Variants in PCDH19 observed in about 807,000 individuals in gnomAD.
PCDH19 encodes the protein protocadherin-19.
PCDH19 carries 6 observed loss-of-function variants against 46.2 expected under a neutral mutation model. The ratio of observed to expected loss-of-function variants is 0.13; its 90% CI spans 0.07 to 0.26. The LOEUF (loss-of-function observed/expected upper bound fraction) is 0.26. Among genes scored for constraint, PCDH19 ranks in the 10% least tolerant of loss-of-function variants. The probability of loss-of-function intolerance (pLI) is 1.00; values close to 1 mark genes in which losing one functional copy is unlikely to be tolerated. For synonymous variants in PCDH19, 481 were observed against 415.7 expected (o/e 1.16, Z -1.91); for missense variants, 740 against 972.3 (o/e 0.76, Z 3.18).
At chrX:100,313,966 C>T (rs190444996) in intron 5 of PCDH19, among the ~76,000 whole-genome samples, 13 of 110,336 alleles carry the variant, frequency 1.2e-4, no homozygotes, top group African/African-American at 4.3e-4. Context: ...TTATAGGACA[C>T]TAATAAACAA....
chrX:100,392,786 C>T (rs1927898534), intron 3 of PCDH19, among the ~76,000 whole-genome samples: 1 of 111,564 alleles, frequency 9.0e-6, no homozygotes, highest in Non-Finnish European at 1.9e-5. Context: ...AGAGCCCTGC[C>T]TCCCTCAAGC....
Position 100,408,788 on chromosome X carries a change from G to A in PCDH19, c.-191C>T, listed in dbSNP as rs1221800005. 5.6e-6 allele frequency: 1 copy of A among 177,638 alleles called. No individual in the cohort carries two copies. 14.6% of individuals were successfully genotyped at this position (177,638 alleles called of 1,213,427 possible). On this transcript the variant is annotated 5_prime_UTR_variant, in exon 1 of 6. Coordinates refer to ENST00000373034, the MANE Select transcript of PCDH19 (RefSeq NM_001184880.2). ...CACCCGCGGCGGCTCCAATGCTGAG[G>A]TTGCGGCGGACGCGGCGGGGGCTCG...
chrX:100,313,996 T>C (rs1219388579), intron 5 of PCDH19, among the ~76,000 whole-genome samples: 2 of 111,342 alleles, frequency 1.8e-5, no homozygotes, highest in Non-Finnish European at 3.8e-5. Flanking sequence ...CGAATGGTTT[T>C]ATTCTCCTGG....
At chrX:100,348,061 G>A (rs775476181) in intron 4 of PCDH19, among the ~76,000 whole-genome samples, 69 of 58,459 alleles carry the variant, frequency 1.2e-3, no homozygotes, top group African/African-American at 4.2e-3. Flanking sequence ...GCAAGATTCC[G>A]TCTCAAAAAA....
chrX:100,322,865 A>ATATTTTTTTT, intron 5 of PCDH19, among the ~76,000 whole-genome samples: 2,400 of 53,952 alleles, frequency 0.044, 131 homozygotes, highest in Non-Finnish European at 0.062. Context: ...ATATATATAT[A>ATATTTTTTTT]TTTTTGCAGC....
chrX:100,333,179 GAGAGAGAAAGAA>G (rs1925954219), intron 5 of PCDH19, among the ~76,000 whole-genome samples: 1 of 46,965 alleles, frequency 2.1e-5, no homozygotes, highest in East Asian at 8.2e-4. Context: ...GGAAGGGAGA[GAGAGAGAAAGAA>G]AGAAAGAAAG....
At chrX:100,368,692 C>G (rs764390978) in intron 3 of PCDH19, among the ~76,000 whole-genome samples, 1 of 4,183 alleles carries the variant, frequency 2.4e-4, no homozygotes, top group African/African-American at 2.5e-4. Context: ...AAGAAGGTCA[C>G]AAGAAGAAAC....
At chrX:100,381,842 T>C (rs1281133623) in intron 3 of PCDH19, among the ~76,000 whole-genome samples, 1 of 111,917 alleles carries the variant, frequency 8.9e-6, no homozygotes, top group Non-Finnish European at 1.9e-5. Context: ...TCGTCCAAAA[T>C]AGCTGCAGCA....
chrX:100,408,636 C>T lies in PCDH19; in HGVS notation c.-39G>A. ...TCTGCCTGGCCTCGCCTCTCCACACCCCTCCGAGACCGACGCCGTCGGCGC... is the reference window on the plus strand; with the variant it reads ...TCTGCCTGGCCTCGCCTCTCCACACTCCTCCGAGACCGACGCCGTCGGCGC... On this transcript the variant is annotated 5_prime_UTR_variant, in exon 1 of 6. Transcript: ENST00000373034. The T allele has an allele frequency of 3.8e-6, 4 of 1,046,959 alleles. No individual in the cohort carries two copies. The highest frequency in any genetic ancestry group is 3.9e-6 in the Non-Finnish European group (3 of 775,110). The allele number at this position is 1,046,959 out of a possible 1,213,427, so 86.3% of individuals were successfully genotyped here. A position where few individuals can be genotyped will look rare whatever the true frequency, so the allele number is the denominator to read the frequency against.
At chrX:100,331,563 A>C (rs1187051142) in intron 5 of PCDH19, among the ~76,000 whole-genome samples, 1 of 111,439 alleles carries the variant, frequency 9.0e-6, no homozygotes, top group African/African-American at 3.3e-5. Flanking sequence ...TAGCTCTGTG[A>C]CCCCACCCAA....
chrX:100,339,062 T>C (rs894603000), intron 5 of PCDH19, among the ~76,000 whole-genome samples: 3 of 111,471 alleles, frequency 2.7e-5, no homozygotes, highest in African/African-American at 9.8e-5. Flanking sequence ...AAAACAAAGG[T>C]GTAAGGTACG....
Position 100,296,652 on chromosome X carries a change from G to C in PCDH19, c.3072C>G (p.Asp1024Glu). ...GGGTAGGCCTCTCCTCAGCCGGGTG[G>C]TCGCTGACATCTTTCCCAAAGGTTG... ...TFATFGKDVSDHPAEERPTLK... is the reference protein window; with the variant it reads ...TFATFGKDVSEHPAEERPTLK... The change falls in exon 6 of 6, where the codon GAC becomes GAG. Residue 1024 changes from aspartate (D) to glutamate (E), a missense_variant. Around this residue, in one of 5 missense-constraint regions of PCDH19, gnomAD observed 416 missense variants for 476.8 expected, o/e 0.87. Transcript: ENST00000373034. The C allele has an allele frequency of 8.3e-7, 1 of 1,211,236 alleles. No homozygotes were observed. Among genetic ancestry groups the C allele is most frequent in the Non-Finnish European group, 1.1e-6 (1 of 895,352 alleles).
intron 4 of PCDH19, among the ~76,000 whole-genome samples, chrX:100,345,084 CT>C (rs964314663): frequency 1.8e-5 from 2 of 110,562 alleles, no homozygotes; most frequent in Non-Finnish European, 3.8e-5. Flanking sequence ...GTTTCTTTAT[CT>C]GTAAAATGTG....
At chrX:100,388,607 T>C (rs754248338) in intron 3 of PCDH19, among the ~76,000 whole-genome samples, 18 of 111,388 alleles carry the variant, frequency 1.6e-4, no homozygotes, top group Admixed American at 1.3e-3. Flanking sequence ...ATTCCAGAAG[T>C]AGAAATATTA....
intron 2 of PCDH19, 79 bp downstream of exon 2, chrX:100,403,445 T>A: frequency 9.4e-7 from 1 of 1,060,858 alleles, no homozygotes; most frequent in Non-Finnish European, 1.3e-6. Context: ...GGTTCCCTTT[T>A]ACTCACCCCC....
chrX:100,403,253 A>C (rs773262221), intron 2 of PCDH19, among the ~76,000 whole-genome samples: 36 of 111,371 alleles, frequency 3.2e-4, no homozygotes, highest in Non-Finnish European at 6.4e-4. Context: ...ACCAAAGAGG[A>C]GATAGAGGAA....
chrX:100,379,469 C>T (rs755430986), intron 3 of PCDH19, among the ~76,000 whole-genome samples: 2 of 111,734 alleles, frequency 1.8e-5, no homozygotes, highest in South Asian at 3.8e-4. Context: ...AAAGAGAAAA[C>T]GCCAGGATGT....
Position 100,406,480 on chromosome X carries a change from G to C in PCDH19, c.2118C>G (p.Asp706Glu). The C allele has an allele frequency of 1.7e-6, 2 of 1,206,775 alleles. No homozygotes were observed. The highest frequency in any genetic ancestry group is 2.2e-6 in the Non-Finnish European group (2 of 892,635). ...AGTTGTAGGTCCGGATCTCTTTGTTGTCTCGCTTGCACTTGATTGCCACGA... is the reference window on the plus strand; with the variant it reads ...AGTTGTAGGTCCGGATCTCTTTGTTCTCTCGCTTGCACTTGATTGCCACGA... ...MIFVAIKCKR[D>E]NKEIRTYNCS... The change falls in exon 1 of 6, where the codon GAC becomes GAG. Residue 706 changes from aspartate to glutamate, a missense_variant. Asp to Glu is a conservative substitution (Grantham distance 45). This residue lies in a region of PCDH19 where 416 missense variants were observed against 476.8 expected (regional missense o/e 0.87). Coordinates refer to ENST00000373034, the MANE Select transcript of PCDH19 (RefSeq NM_001184880.2).
intron 4 of PCDH19, among the ~76,000 whole-genome samples, chrX:100,342,879 G>A (rs1926294780): frequency 8.9e-6 from 1 of 111,972 alleles, no homozygotes; most frequent in African/African-American, 3.3e-5. Flanking sequence ...TTAATTTTGT[G>A]AGTCAACTTG....
Sources: gnomAD v4.1 joint callset for allele counts (sites outside exome capture counted in the v4.1 genomes callset) on GRCh38, gnomAD v4.1.1 for gene constraint, gnomAD v4.1.1 regional missense constraint, MANE v1.5 for transcripts, NCBI Gene and HGNC (gene_info 2026-07-23, HGNC 2026-07-21) for gene names.